Variants in GLIPR1L1 observed in about 807,000 individuals in gnomAD.
GLIPR1L1 encodes GLIPR1 like 1.
A neutral mutation model predicts 29.9 loss-of-function variants in GLIPR1L1; 26 were observed. That is an observed-to-expected ratio of 0.87 (90% CI 0.64 to 1.21). GLIPR1L1 has a LOEUF of 1.21. Ranked by LOEUF, GLIPR1L1 falls within the 50% of genes most tolerant of loss-of-function variation. The pLI, the probability that GLIPR1L1 is intolerant of heterozygous loss-of-function variation, is 0.00. For missense variants in GLIPR1L1, 305 were observed against 290.3 expected (o/e 1.05, Z -0.37); for synonymous variants, 77 against 97.5 (o/e 0.79, Z 1.24).
In GLIPR1L1 at chr12:75,369,832, A is replaced by AT. The variant is rs983839820; in HGVS notation, c.611-124dup. 6 of 1,325,572 alleles carry AT rather than the reference A, an allele frequency of 4.5e-6. No individual in the cohort carries two copies. In the African/African-American group the frequency reaches 8.9e-5, roughly 20 times the overall value. 82.1% of individuals were successfully genotyped at this position (1,325,572 alleles called of 1,614,324 possible). A position where few individuals can be genotyped will look rare whatever the true frequency, so the allele number is the denominator to read the frequency against. Reference sequence around the variant, plus strand: ...CTGTAGGATTGAGTAGGAAAGTTTCATTTTCTTGTTAAAAAGTCAAACTAA... The same window carrying AT: ...CTGTAGGATTGAGTAGGAAAGTTTCATTTTTCTTGTTAAAAAGTCAAACTAA... On this transcript the variant is annotated intron_variant, in intron 4 of 5. Coordinates refer to ENST00000378695, the MANE Select transcript of GLIPR1L1 (RefSeq NM_001304964.2).
At chr12:75,363,744 C>A (rs2043777322) in intron 4 of GLIPR1L1, among the ~76,000 whole-genome samples, 1 of 152,050 alleles carries the variant, frequency 6.6e-6, no homozygotes, top group South Asian at 2.1e-4. Context: ...TTATTCTGAG[C>A]AAACATGAGT....
chr12:75,343,858 A>T lies in GLIPR1L1; in HGVS notation c.340A>T (p.Ile114Phe). The T allele has an allele frequency of 6.2e-7, 1 of 1,612,074 alleles. No individual in the cohort carries two copies. Among genetic ancestry groups the T allele is most frequent in the Non-Finnish European group, 8.5e-7 (1 of 1,178,282 alleles). The change falls in exon 2 of 6, where the codon ATT becomes TTT. Residue 114 changes from isoleucine to phenylalanine, a missense_variant. By Grantham distance (21) the Ile-to-Phe change is conservative. Transcript: ENST00000378695. The stretch of plus-strand genomic sequence containing the variant: ...AAAGTCATTCACACCAAGACATGCC[A>T]TTACGGCTTGGTATAATGAAACCCA... The part of the protein sequence containing the change: ...GIKSFTPRHA[I>F]TAWYNETQFY...
At chr12:75,362,810 ACTAT>A (rs1229840976) in intron 3 of GLIPR1L1, among the ~76,000 whole-genome samples, 1 of 152,190 alleles carries the variant, frequency 6.6e-6, no homozygotes, top group Non-Finnish European at 1.5e-5. Flanking sequence ...AAATAATCAT[ACTAT>A]CTATGACAAA....
At position 75,334,885 on chromosome 12, in the gene GLIPR1L1, G is replaced by A; in HGVS notation, c.157G>A (p.Ala53Thr). The change falls in exon 1 of 6, where the codon GCC becomes ACC. Residue 53 changes from alanine to threonine, a missense_variant. Physicochemically the swap from Ala to Thr is moderately conservative, Grantham distance 58. Transcript: ENST00000378695. ...EWRGKVNPPA[A>T]DMKYMIWDKG... Reference sequence around the variant, plus strand: ...GCGTGGCAAAGTCAACCCTCCCGCGGCCGACATGAAATACATGGTGAGAAA... The same window carrying A: ...GCGTGGCAAAGTCAACCCTCCCGCGACCGACATGAAATACATGGTGAGAAA... The A allele has an allele frequency of 6.2e-7, 1 of 1,613,924 alleles. No homozygotes were observed. The highest frequency in any genetic ancestry group is 8.5e-7 in the Non-Finnish European group (1 of 1,179,878).
At chr12:75,355,616 T>C (rs537543795) in intron 3 of GLIPR1L1, among the ~76,000 whole-genome samples, 2 of 152,260 alleles carry the variant, frequency 1.3e-5, no homozygotes, top group East Asian at 3.9e-4. Context: ...GACCCAGCAA[T>C]CCCATCGCTA....
At chr12:75,364,278 T>C (rs775264430) in intron 4 of GLIPR1L1, among the ~76,000 whole-genome samples, 1 of 152,244 alleles carries the variant, frequency 6.6e-6, no homozygotes, top group Non-Finnish European at 1.5e-5. Context: ...AACTTTGGAA[T>C]GCACCTTGCC....
chr12:75,347,547 A>G, intron 2 of GLIPR1L1, 75 bp from the exon 3 acceptor site: 1 of 884,954 alleles, frequency 1.1e-6, no homozygotes, highest in Non-Finnish European at 1.9e-6. Context: ...GACAAAGATT[A>G]TACCAATTCT....
At position 75,343,777 on chromosome 12, in the gene GLIPR1L1, T is replaced by C. The variant is rs767262317; in HGVS notation, c.259T>C (p.Tyr87His). The change falls in exon 2 of 6, where the codon TAT becomes CAT. Residue 87 changes from tyrosine to histidine, a missense_variant. Tyr to His is a moderately conservative substitution (Grantham distance 83, BLOSUM62 2). Coordinates refer to ENST00000378695, the MANE Select transcript of GLIPR1L1 (RefSeq NM_001304964.2). ...ACATAATGACTGTTTGGATAAATCA[T>C]ATAAATGCTATGCAGCTTTTGAATA... ...FEHNDCLDKSYKCYAAFEYVG... is the reference protein window; with the variant it reads ...FEHNDCLDKSHKCYAAFEYVG... 11 of 1,613,168 alleles carry C rather than the reference T, an allele frequency of 6.8e-6. No individual in the cohort carries two copies. Among genetic ancestry groups the C allele is most frequent in the Admixed American group, 5.0e-5 (3 of 59,966 alleles).
At chr12:75,351,161 AC>A (rs1008713172) in intron 3 of GLIPR1L1, among the ~76,000 whole-genome samples, 1 of 152,168 alleles carries the variant, frequency 6.6e-6, no homozygotes, top group African/African-American at 2.4e-5. Context: ...AAAGGAACAA[AC>A]AAAACCTGTG....
intron 3 of GLIPR1L1, among the ~76,000 whole-genome samples, chr12:75,357,124 C>T (rs188741689): frequency 1.8e-4 from 28 of 152,262 alleles, no homozygotes; most frequent in African/African-American, 6.5e-4. Context: ...TAGAATTTTG[C>T]AGCTGCAGTG....
At chr12:75,338,805 T>G (rs961721055) in intron 1 of GLIPR1L1, among the ~76,000 whole-genome samples, 2 of 150,190 alleles carry the variant, frequency 1.3e-5, no homozygotes, top group Non-Finnish European at 3.0e-5. Context: ...CATGTGTCCA[T>G]GTGTTCTCAT....
rs35360428 is a variant in GLIPR1L1, at chr12:75,354,166, A to AGGGG, written c.521+6451_521+6454dup. 3.3e-3 allele frequency among the ~76,000 whole-genome samples: 400 copies of AGGGG among 122,838 alleles called. 2 individuals carry two copies. The highest frequency in any genetic ancestry group is 0.013 in the African/African-American group (378 of 29,852). The allele number at this position is 122,838 out of a possible 152,430, so 80.6% of individuals were successfully genotyped here. A position where few individuals can be genotyped will look rare whatever the true frequency, so the allele number is the denominator to read the frequency against. On this transcript the variant is annotated intron_variant, in intron 3 of 5. Coordinates refer to ENST00000378695, the MANE Select transcript of GLIPR1L1 (RefSeq NM_001304964.2). ...AGAGCAATCAGGGAAGAGAAAAAAA[A>AGGGG]GGGGGGGGGGTATTCAAATAGGAAA... is the stretch of plus-strand genomic sequence containing the variant.
intron 4 of GLIPR1L1, 136 bp from the exon 5 acceptor site, chr12:75,369,824 A>C: frequency 7.6e-7 from 1 of 1,319,358 alleles, no homozygotes; most frequent in Non-Finnish European, 9.6e-7. Flanking sequence ...ATTGAGTAGG[A>C]AAGTTTCATT....
At chr12:75,342,760 TAATC>T (rs2042200288) in intron 1 of GLIPR1L1, among the ~76,000 whole-genome samples, 1 of 152,140 alleles carries the variant, frequency 6.6e-6, no homozygotes, top group African/African-American at 2.4e-5. Context: ...TTATATGTCA[TAATC>T]AATATTCTTT....
In GLIPR1L1 at chr12:75,343,697, G is replaced by T; in HGVS notation, c.179G>T (p.Trp60Leu). 6.3e-7 allele frequency: 1 copy of T among 1,592,452 alleles called. No homozygotes were observed. Among genetic ancestry groups the T allele is most frequent in the South Asian group, 1.1e-5 (1 of 87,706 alleles). Residue 60 changes from tryptophan (W) to leucine (L), a missense_variant, in exon 2 of 6, where the codon TGG (tryptophan) becomes TTG (leucine). Transcript: ENST00000378695. ...TAAATTATTTTTATCTTTCAGATTT[G>T]GGATAAAGGTTTAGCAAAGATGGCT... is the stretch of plus-strand genomic sequence containing the variant. ...PPAADMKYMI[W>L]DKGLAKMAKA... is the part of the protein sequence containing the mutation.
intron 1 of GLIPR1L1, among the ~76,000 whole-genome samples, chr12:75,335,388 G>A (rs942165056): frequency 6.6e-6 from 1 of 151,970 alleles, no homozygotes; most frequent in African/African-American, 2.4e-5. Context: ...CTCTATTGAA[G>A]AATAAGCATA....
At chr12:75,355,468 A>G (rs916059290) in intron 3 of GLIPR1L1, among the ~76,000 whole-genome samples, 1 of 152,126 alleles carries the variant, frequency 6.6e-6, no homozygotes, top group Non-Finnish European at 1.5e-5. Flanking sequence ...AAGTCCAGAA[A>G]CAACAGATGC....
At chr12:75,354,169 G>GC (rs1408432266) in intron 3 of GLIPR1L1, among the ~76,000 whole-genome samples, 1 of 144,626 alleles carries the variant, frequency 6.9e-6, no homozygotes, top group Non-Finnish European at 1.5e-5. Flanking sequence ...AAAAAAAAGG[G>GC]GGGGGGGTAT....
At chr12:75,342,947 T>C (rs1365958695) in intron 1 of GLIPR1L1, among the ~76,000 whole-genome samples, 1 of 136,156 alleles carries the variant, frequency 7.3e-6, no homozygotes, top group Non-Finnish European at 1.6e-5. Flanking sequence ...TTGTAGAATA[T>C]ATAGATATAT....
Sources: gnomAD v4.1 joint callset for allele counts (sites outside exome capture counted in the v4.1 genomes callset) on GRCh38, gnomAD v4.1.1 for gene constraint, MANE v1.5 for transcripts, NCBI Gene and HGNC (gene_info 2026-07-23, HGNC 2026-07-21) for gene names.